Variants in GGACT observed in about 807,000 individuals in gnomAD.
The protein encoded by GGACT is gamma-glutamylaminecyclotransferase.
For synonymous variants in GGACT, 118 were observed against 115.3 expected (o/e 1.02, Z -0.15); for missense variants, 241 against 233.2 (o/e 1.03, Z -0.22).
intron 2 of GGACT, chr13:100,540,157 GGC>G (rs1383916805): frequency 6.3e-7 from 1 of 1,580,830 alleles, no homozygotes; most frequent in Non-Finnish European, 8.6e-7. Context: ...GTTGTCCTTG[GGC>G]ACGCATCGGG....
chr13:100,532,301 C>T lies in GGACT; in HGVS notation c.291G>A (p.Leu97=). 3.2e-6 allele frequency: 5 copies of T among 1,542,040 alleles called. No individual in the cohort carries two copies. Among genetic ancestry groups the T allele is most frequent in the Non-Finnish European group, 4.4e-6 (5 of 1,140,026 alleles). The change falls in exon 3 of 3, where the codon CTG becomes CTA. Residue 97 remains leucine (L), a synonymous_variant. Coordinates refer to ENST00000683975, the MANE Select transcript of GGACT (RefSeq NM_001195087.2). ...LYQRTVLRVQ[L]LEDRAPGAEE... The stretch of plus-strand genomic sequence containing the variant: ...CTGCGCCCGGGGCCCGGTCCTCCAG[C>T]AGCTGTACCCGCAGCACCGTGCGCT...
At chr13:100,571,115 C>T (rs974928019) in intron 2 of GGACT, among the ~76,000 whole-genome samples, 4 of 152,138 alleles carry the variant, frequency 2.6e-5, no homozygotes, top group African/African-American at 9.7e-5. Context: ...AGTCCTAGCT[C>T]TCTGCCAATC....
chr13:100,539,677 T>C (rs1222998756), intron 2 of GGACT: 1 of 560,734 alleles, frequency 1.8e-6, no homozygotes, highest in Non-Finnish European at 3.1e-6. Flanking sequence ...TCTTGGAGTG[T>C]CTTTGGCCTT....
chr13:100,547,557 C>T (rs1417629359), intron 2 of GGACT, among the ~76,000 whole-genome samples: 2 of 152,144 alleles, frequency 1.3e-5, no homozygotes, highest in Non-Finnish European at 2.9e-5. Flanking sequence ...CACTCGTGTG[C>T]GTTCTTGTCG....
rs138371276 is a variant in GGACT at position 100,530,614 on chromosome 13, T to C, written c.*1516A>G. Reference sequence around the variant, plus strand: ...TTTTTCATCTGATTGCCTTACTACTTCTAGAAGTGAGGCCCTCACTCCTGG... The same window carrying C: ...TTTTTCATCTGATTGCCTTACTACTCCTAGAAGTGAGGCCCTCACTCCTGG... On this transcript the variant is annotated 3_prime_UTR_variant, in exon 3 of 3. Transcript: ENST00000683975. 906 of 276,804 alleles carry C rather than the reference T, an allele frequency of 3.3e-3. 22 individuals are homozygous for C. Among genetic ancestry groups the C allele is most frequent in the East Asian group, 0.029 (292 of 9,906 alleles). 17.1% of individuals were successfully genotyped at this position (276,804 alleles called of 1,614,324 possible).
rs751966796 is a variant in GGACT, at chr13:100,531,307, A to G, written c.*823T>C. The G allele has an allele frequency of 1.3e-5, 2 of 152,198 alleles. No homozygotes were observed. The highest frequency in any genetic ancestry group is 2.9e-5 in the Non-Finnish European group (2 of 68,040). The allele number at this position is 152,198 out of a possible 1,614,324, so 9.4% of individuals were successfully genotyped here. A position where few individuals can be genotyped will look rare whatever the true frequency, so the allele number is the denominator to read the frequency against. Reference sequence around the variant, plus strand: ...AAGCTTCTGTCAGGCCTGAAGAACAAATTACTAATGCATTGGCTCTTCTTT... The same window carrying G: ...AAGCTTCTGTCAGGCCTGAAGAACAGATTACTAATGCATTGGCTCTTCTTT... On this transcript the variant is annotated 3_prime_UTR_variant, in exon 3 of 3. Coordinates refer to ENST00000683975, the MANE Select transcript of GGACT (RefSeq NM_001195087.2).
chr13:100,554,198 CCA>C (rs1179035408), intron 2 of GGACT, among the ~76,000 whole-genome samples: 1 of 152,078 alleles, frequency 6.6e-6, no homozygotes, highest in Non-Finnish European at 1.5e-5. Flanking sequence ...GGACAGTTGC[CCA>C]CCCTTCCTTT....
At chr13:100,578,015 A>G (rs1875304058) in intron 2 of GGACT, among the ~76,000 whole-genome samples, 1 of 152,184 alleles carries the variant, frequency 6.6e-6, no homozygotes, top group Non-Finnish European at 1.5e-5. Flanking sequence ...GCACAACTAA[A>G]ATATCAGAAG....
intron 1 of GGACT, among the ~76,000 whole-genome samples, chr13:100,585,186 G>A (rs1486348298): frequency 2.6e-5 from 4 of 152,190 alleles, no homozygotes; most frequent in Non-Finnish European, 5.9e-5. Context: ...AAGTAACATC[G>A]ACAGTCATTG....
chr13:100,583,209 A>G (rs751076961), intron 2 of GGACT, among the ~76,000 whole-genome samples: 1 of 152,152 alleles, frequency 6.6e-6, no homozygotes, highest in Non-Finnish European at 1.5e-5. Flanking sequence ...TTACATTTTC[A>G]TTTATCTGTG....
chr13:100,543,197 CTTTTTTTTTTTTT>C (rs147710327), intron 2 of GGACT, among the ~76,000 whole-genome samples: 5 of 69,902 alleles, frequency 7.2e-5, no homozygotes, highest in Middle Eastern at 0.012. Flanking sequence ...AAGACACCAG[CTTTTTTTTTTTTT>C]TTTTTTTTTT....
At position 100,531,376 on chromosome 13, in the gene GGACT, C is replaced by G. The variant is rs146253852; in HGVS notation, c.*754G>C. On this transcript the variant is annotated 3_prime_UTR_variant, in exon 3 of 3. Transcript: ENST00000683975. ...ATGCTCTCCCTTCAGGGGGCAGGGACGGGGTCTGGCTACTGAGATCTGGGC... is the reference window on the plus strand; with the variant it reads ...ATGCTCTCCCTTCAGGGGGCAGGGAGGGGGTCTGGCTACTGAGATCTGGGC... 6.6e-6 allele frequency: 1 copy of G among 152,184 alleles called. No individual in the cohort carries two copies. Among genetic ancestry groups the G allele is most frequent in the Non-Finnish European group, 1.5e-5 (1 of 68,036 alleles). 9.4% of individuals were successfully genotyped at this position (152,184 alleles called of 1,614,324 possible). A position where few individuals can be genotyped will look rare whatever the true frequency, so the allele number is the denominator to read the frequency against.
intron 2 of GGACT, among the ~76,000 whole-genome samples, chr13:100,557,869 A>G (rs965655342): frequency 7.2e-5 from 11 of 152,270 alleles, no homozygotes; most frequent in African/African-American, 2.6e-4. Flanking sequence ...CAAGAAGAAG[A>G]AAAACAATCC....
intron 2 of GGACT, among the ~76,000 whole-genome samples, chr13:100,566,436 A>G (rs1047108837): frequency 8.5e-5 from 13 of 152,146 alleles, no homozygotes; most frequent in Non-Finnish European, 1.6e-4. Context: ...CTGCCTGGCA[A>G]AATCCTCCTT....
At position 100,556,726 on chromosome 13, in the gene GGACT, G is replaced by A. The variant is rs9554705; in HGVS notation, c.-10-24125C>T. 5.4e-3 allele frequency among the ~76,000 whole-genome samples: 820 copies of A among 152,060 alleles called. 23 individuals carry two copies. In the East Asian group the frequency reaches 0.073, roughly 14 times the overall value. On this transcript the variant is annotated intron_variant, in intron 2 of 2. Transcript: ENST00000683975. The stretch of plus-strand genomic sequence containing the variant: ...GGATAACCCATTCTCCATGATGTGC[G>A]TATTTCATATTGCATGCTTGTATCA...
chr13:100,550,304 A>ACTCT (rs1427466540), intron 2 of GGACT, among the ~76,000 whole-genome samples: 3 of 5,194 alleles, frequency 5.8e-4, no homozygotes, highest in African/African-American at 2.2e-3. Flanking sequence ...TACTCTACAC[A>ACTCT]CACACACACA....
chr13:100,540,210 C>G (rs2088540053), intron 2 of GGACT: 4 of 1,440,546 alleles, frequency 2.8e-6, no homozygotes, highest in Non-Finnish European at 3.9e-6. Context: ...GGCCGCGGCC[C>G]TTTTTGGCAC....
chr13:100,544,924 C>T (rs917482384), intron 2 of GGACT, among the ~76,000 whole-genome samples: 7 of 152,358 alleles, frequency 4.6e-5, no homozygotes, highest in African/African-American at 1.7e-4. Flanking sequence ...GATGGAGAAC[C>T]GGCCAGGGCC....
chr13:100,563,621 G>A (rs1033341864), intron 2 of GGACT, among the ~76,000 whole-genome samples: 1 of 152,198 alleles, frequency 6.6e-6, no homozygotes, highest in African/African-American at 2.4e-5. Context: ...TTTGAGTCCA[G>A]CCTGAGCAAC....
Sources: gnomAD v4.1 joint callset for allele counts (sites outside exome capture counted in the v4.1 genomes callset) on GRCh38, gnomAD v4.1.1 for gene constraint, MANE v1.5 for transcripts, NCBI Gene and HGNC (gene_info 2026-07-23, HGNC 2026-07-21) for gene names.